AKAP13: variants seen among roughly 807,000 people sequenced by gnomAD.
The protein encoded by AKAP13 is A-kinase anchor protein 13.
Under a neutral mutation model 264.5 loss-of-function variants are expected in AKAP13, and 80 were observed. The observed-to-expected ratio is 0.30, with a 90% CI of 0.25 to 0.36. AKAP13 has a LOEUF of 0.36. AKAP13 is among the 10% of genes least tolerant of loss of function. AKAP13 has a pLI of 1.00. For missense variants in AKAP13, 3,712 were observed against 3,435.2 expected (o/e 1.08, Z -2.01); for synonymous variants, 1,380 against 1,250.2 (o/e 1.10, Z -2.19).
At chr15:85,467,108 AACTC>A (rs1191007693) in intron 1 of AKAP13, among the ~76,000 whole-genome samples, 1 of 151,930 alleles carries the variant, frequency 6.6e-6, no homozygotes, top group African/African-American at 2.4e-5. Flanking sequence ...ACACGTATGT[AACTC>A]AATCATCCGT....
chr15:85,744,504 G>C, intron 36 of AKAP13, 124 bp from the exon 37 acceptor site: 1 of 1,000,870 alleles, frequency 1.0e-6, no homozygotes, highest in Non-Finnish European at 1.6e-6. Context: ...GTGCGCAGAA[G>C]AGTTAATTGC....
intron 1 of AKAP13, among the ~76,000 whole-genome samples, chr15:85,424,616 T>C (rs1311596838): frequency 6.6e-6 from 1 of 152,244 alleles, no homozygotes; most frequent in Non-Finnish European, 1.5e-5. Flanking sequence ...TTTCTTATTA[T>C]TTATGTGCTC....
rs2074916801 is a variant in AKAP13 at position 85,470,357 on chromosome 15, G to T, written c.-11-15353G>T. Among the ~76,000 whole-genome samples the T allele has an allele frequency of 2.0e-5, 3 of 152,140 alleles. No individual in the cohort carries two copies. In the South Asian group the frequency reaches 6.2e-4, roughly 32 times the overall value. The stretch of plus-strand genomic sequence containing the variant: ...ATTCCCAAGAGTCCATAGTAGAGGA[G>T]GAAGAACTGCCAGTGCCTTTTTAAA... On this transcript the variant is annotated intron_variant, in intron 1 of 36. Coordinates refer to ENST00000394518, the MANE Select transcript of AKAP13 (RefSeq NM_007200.5).
chr15:85,562,712 T>TTTG (rs71141407), intron 5 of AKAP13, among the ~76,000 whole-genome samples: 3 of 72,206 alleles, frequency 4.2e-5, no homozygotes, highest in Non-Finnish European at 8.9e-5. Flanking sequence ...TTTTTTTTTT[T>TTTG]GAGACTGAAT....
chr15:85,619,724 C>T (rs1596747125), intron 8 of AKAP13: 1 of 1,007,496 alleles, frequency 9.9e-7, no homozygotes. Context: ...CCAGTTTATT[C>T]TTTATTTTTT....
At chr15:85,560,470 A>G (rs1424381386) in intron 5 of AKAP13, among the ~76,000 whole-genome samples, 2 of 152,160 alleles carry the variant, frequency 1.3e-5, no homozygotes, top group African/African-American at 4.8e-5. Context: ...TTAATAATTA[A>G]GTTGTACATA....
chr15:85,438,846 A>C (rs76769587), intron 1 of AKAP13, among the ~76,000 whole-genome samples: 37,593 of 150,584 alleles, frequency 0.25, 6,202 homozygotes, highest in Middle Eastern at 0.37. Context: ...TAAACGTTAG[A>C]CCTAAAACCA....
chr15:85,435,239 A>G (rs1431894798), intron 1 of AKAP13, among the ~76,000 whole-genome samples: 1 of 150,682 alleles, frequency 6.6e-6, no homozygotes, highest in Non-Finnish European at 1.5e-5. Context: ...AGATGAATGA[A>G]ATGAAGCGAG....
At chr15:85,607,016 G>C (rs1233726155) in intron 8 of AKAP13, among the ~76,000 whole-genome samples, 1 of 151,452 alleles carries the variant, frequency 6.6e-6, no homozygotes, top group Non-Finnish European at 1.5e-5. Flanking sequence ...ATAAATATCT[G>C]TCGTTTCTTC....
At chr15:85,684,914 GGATC>G in intron 16 of AKAP13, 41 bp downstream of exon 16, 1 of 1,590,496 alleles carries the variant, frequency 6.3e-7, no homozygotes, top group Non-Finnish European at 8.6e-7. Flanking sequence ...CACCTCAGTA[GGATC>G]CTGTCACAGC....
chr15:85,581,498 C>T lies in AKAP13; in HGVS notation c.3430C>T (p.Pro1144Ser), dbSNP rs762205410. 2 of 1,614,148 alleles carry T rather than the reference C, an allele frequency of 1.2e-6. No homozygotes were observed. Among genetic ancestry groups the T allele is most frequent in the Non-Finnish European group, 1.7e-6 (2 of 1,180,028 alleles). ...TCTACAGGACAAAGCTGTGACTGAC[C>T]CACAGGGAGTTGGAACCCCAGAGAT... ...VALQDKAVTD[P>S]QGVGTPEMIP... Residue 1144 changes from proline (P) to serine (S), a missense_variant, in exon 7 of 37, where the codon CCA (proline) becomes TCA (serine). Physicochemically the swap from Pro to Ser is moderately conservative, Grantham distance 74 (BLOSUM62 -1). Around this residue, in one of 3 missense-constraint regions of AKAP13, gnomAD observed 2,759 missense variants for 2,411.7 expected, o/e 1.14. Coordinates refer to ENST00000394518, the MANE Select transcript of AKAP13 (RefSeq NM_007200.5).
chr15:85,533,586 C>A lies in AKAP13; in HGVS notation c.184C>A (p.His62Asn). ...TTTGCTGCCTGTGTTTCCTTTAGGT[C>A]ATGATTGTTGTGAAACAGTGAAGGT... ...SDTLETIAPG[H>N]DCCETVKVQL... Residue 62 changes from histidine (H) to asparagine (N), a missense_variant and splice_region_variant, in exon 4 of 37, where the codon CAT becomes AAT. His to Asn is a moderately conservative substitution (Grantham distance 68). Around this residue, in one of 3 missense-constraint regions of AKAP13, gnomAD observed 2,759 missense variants for 2,411.7 expected, o/e 1.14. Transcript: ENST00000394518. The A allele has an allele frequency of 1.9e-6, 3 of 1,604,446 alleles. No homozygotes were observed. The South Asian group carries it at 3.3e-5, about 18-fold the overall frequency.
At chr15:85,570,243 G>C (rs1309877254) in intron 5 of AKAP13, among the ~76,000 whole-genome samples, 1 of 152,148 alleles carries the variant, frequency 6.6e-6, no homozygotes, top group Non-Finnish European at 1.5e-5. Flanking sequence ...CTGAGTTCAG[G>C]AGTTCAAGAC....
intron 8 of AKAP13, among the ~76,000 whole-genome samples, chr15:85,628,518 C>A (rs1196782867): frequency 6.6e-6 from 1 of 152,174 alleles, no homozygotes; most frequent in Non-Finnish European, 1.5e-5. Flanking sequence ...GAAGAGAGAA[C>A]CTGCCCGAAA....
chr15:85,541,167 G>A (rs570664860), intron 4 of AKAP13, among the ~76,000 whole-genome samples: 4 of 152,330 alleles, frequency 2.6e-5, no homozygotes, highest in East Asian at 1.9e-4. Flanking sequence ...TATACCATAT[G>A]TATTTCATTG....
chr15:85,550,178 G>A (rs2077905119), intron 5 of AKAP13, among the ~76,000 whole-genome samples: 1 of 152,192 alleles, frequency 6.6e-6, no homozygotes, highest in Non-Finnish European at 1.5e-5. Context: ...GCCTCCCAAA[G>A]TGCTGGGATT....
chr15:85,460,380 G>A (rs534228919), intron 1 of AKAP13, among the ~76,000 whole-genome samples: 6 of 152,248 alleles, frequency 3.9e-5, no homozygotes, highest in Admixed American at 2.6e-4. Flanking sequence ...ATTGTAATGC[G>A]TTCTTAGAAG....
chr15:85,622,018 T>A (rs759032861), intron 8 of AKAP13, among the ~76,000 whole-genome samples: 5 of 152,180 alleles, frequency 3.3e-5, no homozygotes, highest in Non-Finnish European at 7.3e-5. Flanking sequence ...TGAAATAAGA[T>A]GGGGACGTTT....
intron 12 of AKAP13, among the ~76,000 whole-genome samples, chr15:85,663,449 C>A (rs952158844): frequency 6.6e-6 from 1 of 152,078 alleles, no homozygotes; most frequent in African/African-American, 2.4e-5. Context: ...AGTTATATGG[C>A]TTCAGTTCGT....
Sources: allele counts gnomAD v4.1 joint callset (sites outside exome capture counted in the v4.1 genomes callset), GRCh38; gene constraint gnomAD v4.1.1; regional missense constraint gnomAD v4.1.1; transcripts MANE v1.5; gene names NCBI Gene and HGNC (gene_info 2026-07-23, HGNC 2026-07-21).